The following PPME1 variants were observed in gnomAD, a reference collection of about 807,000 sequenced individuals.
PPME1 encodes testicular secretory protein Li 39.
PPME1 carries 17 observed loss-of-function variants against 56.9 expected under a neutral mutation model. The observed-to-expected ratio is 0.30, with a 90% CI of 0.20 to 0.45. The LOEUF (loss-of-function observed/expected upper bound fraction) is 0.45, where lower values mean the gene tolerates loss of function less well. Ranked by LOEUF, PPME1 falls within the 20% of genes least tolerant of loss-of-function variation. The probability of loss-of-function intolerance (pLI) is 1.00; values close to 1 mark genes in which losing one functional copy is unlikely to be tolerated. For synonymous variants in PPME1, 122 were observed against 156.2 expected, an observed-to-expected ratio of 0.78 and a Z score of 1.63; for missense variants, 357 against 483.2, an observed-to-expected ratio of 0.74 and a Z score of 2.45.
intron 9 of PPME1, among the ~76,000 whole-genome samples, chr11:74,241,813 C>T (rs567550071): frequency 9.9e-5 from 15 of 152,154 alleles, no homozygotes; most frequent in Admixed American, 8.5e-4. Flanking sequence ...TTGTTAGATA[C>T]GTTGCCCATT....
At chr11:74,175,669 C>G (rs1857384938) in intron 1 of PPME1, among the ~76,000 whole-genome samples, 1 of 152,110 alleles carries the variant, frequency 6.6e-6, no homozygotes, top group Non-Finnish European at 1.5e-5. Flanking sequence ...GCAGTCTTCC[C>G]ACTTCATCCT....
At chr11:74,241,161 C>T (rs1446516445) in intron 9 of PPME1, among the ~76,000 whole-genome samples, 2 of 152,182 alleles carry the variant, frequency 1.3e-5, no homozygotes, top group African/African-American at 4.8e-5. Context: ...CCCAACCCTC[C>T]CAGCTTAGGC....
At position 74,253,524 on chromosome 11, in the gene PPME1, A is replaced by G. The variant is rs1315709709; in HGVS notation, c.*14A>G. On this transcript the variant is annotated 3_prime_UTR_variant, in exon 14 of 14. Coordinates refer to ENST00000328257, the MANE Select transcript of PPME1 (RefSeq NM_016147.3). ...CCTGGCTGTTAGTGACCTGCTGTCCACCCCTCCTCAACATCGAGCTCTGTT... is the reference window on the plus strand; with the variant it reads ...CCTGGCTGTTAGTGACCTGCTGTCCGCCCCTCCTCAACATCGAGCTCTGTT... The G allele has an allele frequency of 2.5e-6, 4 of 1,602,154 alleles. No homozygotes were observed. In the African/African-American group the frequency reaches 4.0e-5, roughly 16 times the overall value.
intron 9 of PPME1, among the ~76,000 whole-genome samples, chr11:74,241,269 TTAAAA>T (rs758242593): frequency 5.9e-5 from 9 of 152,248 alleles, no homozygotes; most frequent in South Asian, 2.1e-4. Context: ...TTCTTTTCTC[TTAAAA>T]TAAAATTATC....
At chr11:74,252,239 G>GGTT (rs1451114729) in intron 13 of PPME1, among the ~76,000 whole-genome samples, 1 of 112,350 alleles carries the variant, frequency 8.9e-6, no homozygotes, top group African/African-American at 3.3e-5. Flanking sequence ...GGCTAATTTT[G>GGTT]TTTTTTTTTT....
At position 74,219,347 on chromosome 11, in the gene PPME1, A is replaced by C. The variant is rs182866625; in HGVS notation, c.289-2965A>C. On this transcript the variant is annotated intron_variant, in intron 3 of 13. Coordinates refer to ENST00000328257, the MANE Select transcript of PPME1 (RefSeq NM_016147.3). ...TTGTTGATTCCTTAAAAAAAAAAAAAAAACTAAAAATAGAACTACCGTATA... is the reference window on the plus strand; with the variant it reads ...TTGTTGATTCCTTAAAAAAAAAAAACAAACTAAAAATAGAACTACCGTATA... Among the ~76,000 whole-genome samples the C allele has an allele frequency of 3.3e-3, 496 of 151,960 alleles. 1 individual carries two copies. The highest frequency in any genetic ancestry group is 5.5e-3 in the Admixed American group (84 of 15,258).
At chr11:74,242,605 G>A (rs530773494) in intron 9 of PPME1, among the ~76,000 whole-genome samples, 2 of 152,202 alleles carry the variant, frequency 1.3e-5, no homozygotes, top group Admixed American at 6.5e-5. Flanking sequence ...CTGGGGTTGG[G>A]TGCAGTGGCT....
chr11:74,186,349 C>G (rs1017502462), intron 1 of PPME1, among the ~76,000 whole-genome samples: 108 of 152,250 alleles, frequency 7.1e-4, no homozygotes, highest in African/African-American at 2.5e-3. Flanking sequence ...GGAACCAGTC[C>G]TCTTCCTAGG....
intron 1 of PPME1, among the ~76,000 whole-genome samples, chr11:74,181,463 A>G (rs1857535947): frequency 1.3e-5 from 2 of 152,172 alleles, no homozygotes; most frequent in African/African-American, 4.8e-5. Flanking sequence ...ATCTCCACTC[A>G]TCAATTGTTT....
In PPME1 at chr11:74,189,048, A is replaced by G. The variant is rs181135487; in HGVS notation, c.102-14680A>G. ...TTTTCATTAGTCTCTGCTTTTATCAATGCACTTCAAAATATGTAAACATAC... is the reference window on the plus strand; with the variant it reads ...TTTTCATTAGTCTCTGCTTTTATCAGTGCACTTCAAAATATGTAAACATAC... On this transcript the variant is annotated intron_variant, in intron 1 of 13. Transcript: ENST00000328257. Among the ~76,000 whole-genome samples, 479 of 152,266 alleles carry G rather than the reference A, an allele frequency of 3.1e-3. 3 individuals are homozygous for G. In the Middle Eastern group the frequency reaches 0.034, roughly 11 times the overall value.
chr11:74,225,451 G>A (rs971688120), intron 5 of PPME1, among the ~76,000 whole-genome samples, 195 bp downstream of exon 5: 1 of 152,078 alleles, frequency 6.6e-6, no homozygotes, highest in Non-Finnish European at 1.5e-5. Flanking sequence ...CTTTCTTGGT[G>A]TGTCCAATGC....
intron 1 of PPME1, chr11:74,198,673 G>T (rs536465563): frequency 6.9e-6 from 1 of 144,344 alleles, no homozygotes; most frequent in African/African-American, 2.4e-5. Context: ...GGCTGGCCTC[G>T]TTCTCCTGAG....
chr11:74,215,952 A>G (rs1446407113), intron 3 of PPME1, among the ~76,000 whole-genome samples: 1 of 152,200 alleles, frequency 6.6e-6, no homozygotes, highest in African/African-American at 2.4e-5. Flanking sequence ...AAGAGGATAT[A>G]ACAGTTATAC....
In PPME1 at chr11:74,232,957, C is replaced by T. The variant is rs575572855; in HGVS notation, c.644+1955C>T. ...GCTCAAGCAGTCTGCCTGCCCGCCT[C>T]GGCCTCTCAGAGTCATGGGATAAAT... On this transcript the variant is annotated intron_variant, in intron 7 of 13. Coordinates refer to ENST00000328257, the MANE Select transcript of PPME1 (RefSeq NM_016147.3). 5.4e-5 allele frequency among the ~76,000 whole-genome samples: 8 copies of T among 149,028 alleles called. No individual in the cohort carries two copies. The South Asian group carries it at 6.4e-4, about 12-fold the overall frequency.
Position 74,251,722 on chromosome 11 carries a change from C to CG in PPME1, c.1142+10dup, listed in dbSNP as rs1218178870. 6.2e-7 allele frequency: 1 copy of CG among 1,613,734 alleles called. No homozygotes were observed. The highest frequency in any genetic ancestry group is 1.3e-5 in the African/African-American group (1 of 74,932). On this transcript the variant is annotated splice_region_variant and intron_variant, in intron 13 of 13. Coordinates refer to ENST00000328257, the MANE Select transcript of PPME1 (RefSeq NM_016147.3). ...CCATCGGTGGATTCCAGTGGTAAGG[C>CG]GGGTACAAGGGTTTAAGAACCCAGC...
chr11:74,252,138 G>T (rs1420066794), intron 13 of PPME1, among the ~76,000 whole-genome samples: 1 of 139,334 alleles, frequency 7.2e-6, no homozygotes, highest in East Asian at 2.1e-4. Context: ...GCACAGTCTT[G>T]GTTCACTGCA....
intron 3 of PPME1, among the ~76,000 whole-genome samples, chr11:74,207,997 G>T (rs573295337): frequency 6.6e-6 from 1 of 152,214 alleles, no homozygotes; most frequent in African/African-American, 2.4e-5. Context: ...CAAGCTTTGT[G>T]CTGAGTCACT....
Position 74,253,609 on chromosome 11 carries a change from C to A in PPME1, c.*99C>A. ...ACTGTCTCCTCTCCATCCCGCCCAG[C>A]CATGTGACACTGGCTCCCGGTAGAC... On this transcript the variant is annotated 3_prime_UTR_variant, in exon 14 of 14. Coordinates refer to ENST00000328257, the MANE Select transcript of PPME1 (RefSeq NM_016147.3). The A allele has an allele frequency of 1.5e-6, 2 of 1,339,854 alleles. No homozygotes were observed. Among genetic ancestry groups the A allele is most frequent in the South Asian group, 1.2e-5 (1 of 84,938 alleles). 83.0% of individuals were successfully genotyped at this position (1,339,854 alleles called of 1,614,324 possible).
At chr11:74,213,202 C>G (rs1022939223) in intron 3 of PPME1, among the ~76,000 whole-genome samples, 2 of 152,168 alleles carry the variant, frequency 1.3e-5, no homozygotes, top group African/African-American at 2.4e-5. Flanking sequence ...CCAGGCAGTA[C>G]TTGCCATGGG....
Sources: allele counts gnomAD v4.1 joint callset (sites outside exome capture counted in the v4.1 genomes callset), GRCh38; gene constraint gnomAD v4.1.1; transcripts MANE v1.5; gene names NCBI Gene and HGNC (gene_info 2026-07-23, HGNC 2026-07-21).